MAP4: variants seen among roughly 807,000 people sequenced by gnomAD.
The protein encoded by MAP4 is microtubule-associated protein 4.
A neutral mutation model predicts 170.2 loss-of-function variants in MAP4; 76 were observed. That is an observed-to-expected ratio of 0.45 (90% CI 0.37 to 0.54). MAP4 has a LOEUF of 0.54. Ranked by LOEUF, MAP4 falls within the 20% of genes least tolerant of loss-of-function variation. The pLI is 0.00. For synonymous variants in MAP4, 909 were observed against 994.5 expected, an observed-to-expected ratio of 0.91 and a Z score of 1.62; for missense variants, 2,506 against 2,748.0, an observed-to-expected ratio of 0.91 and a Z score of 1.97.
At chr3:47,978,466 C>T (rs1034239098) in intron 2 of MAP4, among the ~76,000 whole-genome samples, 5 of 152,024 alleles carry the variant, frequency 3.3e-5, no homozygotes, top group Non-Finnish European at 7.4e-5. Context: ...TGCAGGCACC[C>T]GCCCCCATGA....
intron 2 of MAP4, among the ~76,000 whole-genome samples, chr3:47,990,693 G>A (rs1262325279): frequency 6.6e-6 from 1 of 152,120 alleles, no homozygotes; most frequent in Non-Finnish European, 1.5e-5. Context: ...AGTCACAGAT[G>A]TTTGCTTCGT....
In MAP4 at chr3:48,076,059, T is replaced by TA. The variant is rs58962372; in HGVS notation, c.-20+12713dup. On this transcript the variant is annotated intron_variant, in intron 1 of 18. Transcript: ENST00000360240. ...TGTATAAAAATTAATTTGAAATTGA[T>TA]AAAAAAAAAACTAAATACAACAGCT... Among the ~76,000 whole-genome samples, 859 of 142,918 alleles carry TA rather than the reference T, an allele frequency of 6.0e-3. 6 individuals are homozygous for TA. Among genetic ancestry groups the TA allele is most frequent in the African/African-American group, 0.016 (620 of 39,036 alleles). The allele number at this position is 142,918 out of a possible 152,430, so 93.8% of individuals were successfully genotyped here. A position where few individuals can be genotyped will look rare whatever the true frequency, so the allele number is the denominator to read the frequency against.
intron 17 of MAP4, among the ~76,000 whole-genome samples, chr3:47,858,722 G>GC (rs917649489): frequency 2.0e-5 from 3 of 152,014 alleles, no homozygotes; most frequent in African/African-American, 7.3e-5. Context: ...TGTAATCCCA[G>GC]CACTTTGGGA....
At chr3:47,970,817 C>G (rs1056883612) in intron 3 of MAP4, among the ~76,000 whole-genome samples, 1 of 151,768 alleles carries the variant, frequency 6.6e-6, no homozygotes. Flanking sequence ...AACTTCGTCT[C>G]AAAAACAAAA....
intron 2 of MAP4, among the ~76,000 whole-genome samples, chr3:47,979,531 C>T (rs2154281927): frequency 6.6e-6 from 1 of 152,304 alleles, no homozygotes; most frequent in Non-Finnish European, 1.5e-5. Flanking sequence ...TCTTGACGCT[C>T]TGCAACCTCC....
intron 3 of MAP4, among the ~76,000 whole-genome samples, chr3:47,945,581 G>A (rs1337026511): frequency 1.3e-5 from 2 of 151,956 alleles, no homozygotes; most frequent in Non-Finnish European, 2.9e-5. Flanking sequence ...TTCATCTGGA[G>A]ATAAAAATAC....
At chr3:48,007,255 G>C (rs1461425927) in intron 1 of MAP4, among the ~76,000 whole-genome samples, 4 of 152,184 alleles carry the variant, frequency 2.6e-5, no homozygotes, top group Admixed American at 2.0e-4. Context: ...AAAATTTCTA[G>C]GGATCTAGTG....
At chr3:47,929,753 C>T (rs1456189627) in intron 3 of MAP4, among the ~76,000 whole-genome samples, 1 of 149,472 alleles carries the variant, frequency 6.7e-6, no homozygotes, top group Non-Finnish European at 1.5e-5. Context: ...ATTTCTTAGA[C>T]ATGTCACCAA....
intron 3 of MAP4, chr3:47,973,528 G>A: frequency 1.0e-6 from 1 of 985,012 alleles, no homozygotes; most frequent in Non-Finnish European, 1.2e-6. Context: ...GCTGTTAGTA[G>A]AAAATTTCAA....
intron 1 of MAP4, among the ~76,000 whole-genome samples, chr3:48,072,130 C>T (rs1023316580): frequency 7.9e-5 from 12 of 151,922 alleles, no homozygotes; most frequent in Admixed American, 4.6e-4. Flanking sequence ...ACCCAGGAGG[C>T]GGAAGTTGCA....
At chr3:48,009,176 T>A (rs534055824) in intron 1 of MAP4, among the ~76,000 whole-genome samples, 1 of 152,068 alleles carries the variant, frequency 6.6e-6, no homozygotes, top group African/African-American at 2.4e-5. Context: ...TCTTGGCTCA[T>A]TGCAACATCC....
chr3:47,975,250 T>C, intron 3 of MAP4: 1 of 1,347,888 alleles, frequency 7.4e-7, no homozygotes, highest in Non-Finnish European at 9.6e-7. Context: ...TGAGGCTCCA[T>C]CAAACCCTGC....
intron 4 of MAP4, among the ~76,000 whole-genome samples, chr3:47,927,611 G>A (rs953605760): frequency 6.6e-6 from 1 of 152,098 alleles, no homozygotes; most frequent in Non-Finnish European, 1.5e-5. Flanking sequence ...GAGTAGCTGG[G>A]ATTACAGACA....
chr3:47,885,730 CTT>C (rs1163508790), intron 10 of MAP4, among the ~76,000 whole-genome samples: 14 of 138,418 alleles, frequency 1.0e-4, no homozygotes, highest in Admixed American at 2.9e-4. Context: ...CGCCTTTGTT[CTT>C]TTTTTTTTTT....
intron 3 of MAP4, chr3:47,973,582 A>T (rs987091339): frequency 1.0e-6 from 1 of 984,492 alleles, no homozygotes; most frequent in African/African-American, 1.7e-5. Context: ...AAAAAAACAA[A>T]TTTCAAACAA....
At chr3:47,928,090 A>G (rs1448477522) in intron 4 of MAP4, 138 bp downstream of exon 4, 1 of 999,524 alleles carries the variant, frequency 1.0e-6, no homozygotes, top group Non-Finnish European at 1.5e-6. Context: ...TGAAGAAGAG[A>G]AAGGGACAAA....
At chr3:47,949,893 G>C (rs1407391148) in intron 3 of MAP4, among the ~76,000 whole-genome samples, 1 of 151,954 alleles carries the variant, frequency 6.6e-6, no homozygotes, top group Non-Finnish European at 1.5e-5. Flanking sequence ...ATACCACAAT[G>C]AGTGGCTTCA....
intron 6 of MAP4, among the ~76,000 whole-genome samples, chr3:47,918,249 G>A (rs1049731376): frequency 2.6e-5 from 4 of 152,138 alleles, no homozygotes; most frequent in African/African-American, 9.7e-5. Context: ...CTCCCAAAGT[G>A]TTGGGATTAC....
intron 10 of MAP4, among the ~76,000 whole-genome samples, chr3:47,888,605 C>T (rs2098057664): frequency 6.6e-6 from 1 of 152,058 alleles, no homozygotes; most frequent in Non-Finnish European, 1.5e-5. Flanking sequence ...TCCAGACGCA[C>T]CACCTTAAGA....
Sources: allele counts gnomAD v4.1 joint callset (sites outside exome capture counted in the v4.1 genomes callset), GRCh38; gene constraint gnomAD v4.1.1; transcripts MANE v1.5; gene names NCBI Gene and HGNC (gene_info 2026-07-23, HGNC 2026-07-21).